MYCBPAP: variants seen among roughly 807,000 people sequenced by gnomAD.
The protein encoded by MYCBPAP is MYCBP associated protein, also known as MYCBP-associated protein.
MYCBPAP carries 60 observed loss-of-function variants against 106.1 expected under a neutral mutation model. That is an observed-to-expected ratio of 0.57 (90% CI 0.46 to 0.70). The LOEUF (loss-of-function observed/expected upper bound fraction) is 0.70. Ranked by LOEUF, MYCBPAP falls within the 30% of genes least tolerant of loss-of-function variation. MYCBPAP has a pLI of 0.00. For missense variants in MYCBPAP, 1,064 were observed against 1,169.3 expected (o/e 0.91, Z 1.31); for synonymous variants, 407 against 440.6 (o/e 0.92, Z 0.95).
rs770652157 is a variant in MYCBPAP, at chr17:50,526,071, C to T, written c.1973C>T (p.Pro658Leu). 1 of 1,613,932 alleles carries T rather than the reference C, an allele frequency of 6.2e-7. No homozygotes were observed. Among genetic ancestry groups the T allele is most frequent in the East Asian group, 2.2e-5 (1 of 44,870 alleles). Reference sequence around the variant, plus strand: ...AGCCCCATCTCCGAAACTCAAGTGCCCCGGCCTGAGAACGAGGCCCTCAGG... The same window carrying T: ...AGCCCCATCTCCGAAACTCAAGTGCTCCGGCCTGAGAACGAGGCCCTCAGG... ...FRSPISETQV[P>L]RPENEALRES... The change falls in exon 14 of 19, where the codon CCC (proline) becomes CTC (leucine). Residue 658 changes from proline to leucine, a missense_variant. Transcript: ENST00000323776.
At chr17:50,510,138 T>C (rs376862446) in intron 1 of MYCBPAP, 3 of 151,948 alleles carry the variant, frequency 2.0e-5, no homozygotes, top group South Asian at 4.2e-4. Flanking sequence ...AGCCTCAGAG[T>C]TGTGAAAGCT....
chr17:50,518,565 C>T lies in MYCBPAP; in HGVS notation c.493C>T (p.Pro165Ser), dbSNP rs1212416904. The T allele has an allele frequency of 1.3e-6, 2 of 1,591,560 alleles. No homozygotes were observed. Among genetic ancestry groups the T allele is most frequent in the African/African-American group, 2.7e-5 (2 of 73,272 alleles). The change falls in exon 5 of 19, where the codon CCC (proline) becomes TCC (serine). Residue 165 changes from proline (P) to serine (S), a missense_variant. Pro to Ser is a moderately conservative substitution (Grantham distance 74, BLOSUM62 -1). Transcript: ENST00000323776. Reference sequence around the variant, plus strand: ...GCTGGCTGAGCGGATACCTACCTCACCCTGTCTGATGACCCTCATCTCTGC... The same window carrying T: ...GCTGGCTGAGCGGATACCTACCTCATCCTGTCTGATGACCCTCATCTCTGC... ...TQLAERIPTS[P>S]CLMTLISAEG...
chr17:50,530,878 G>C (rs1428423786), intron 18 of MYCBPAP, among the ~76,000 whole-genome samples: 2 of 150,504 alleles, frequency 1.3e-5, no homozygotes, highest in Admixed American at 6.6e-5. Context: ...TACCAGCGCA[G>C]GGCCACCTCC....
intron 17 of MYCBPAP, 39 bp downstream of exon 17, chr17:50,528,879 A>G: frequency 4.2e-6 from 6 of 1,432,728 alleles, no homozygotes; most frequent in Admixed American, 1.8e-5. Flanking sequence ...GGGGCTGGGG[A>G]GGGGATTGGA....
rs2034520443 is a variant in MYCBPAP at position 50,528,162 on chromosome 17, C to G, written c.2299C>G (p.Leu767Val). 6.2e-7 allele frequency: 1 copy of G among 1,613,978 alleles called. No individual in the cohort carries two copies. The highest frequency in any genetic ancestry group is 8.5e-7 in the Non-Finnish European group (1 of 1,179,910). ...CTGTGTCTTGCCCTCTAGTTTGCAG[C>G]TGTGGCGAGATGTGATTGACAGCCT... ...SNLLHQMCLQ[L>V]WRDVIDSLVG... The change falls in exon 16 of 19, where the codon CTG becomes GTG. Residue 767 changes from leucine to valine, a missense_variant. Coordinates refer to ENST00000323776, the MANE Select transcript of MYCBPAP (RefSeq NM_032133.6).
rs753985982 is a variant in MYCBPAP at position 50,518,523 on chromosome 17, C to T, written c.469-18C>T. 1.3e-6 allele frequency: 2 copies of T among 1,548,194 alleles called. No homozygotes were observed. The highest frequency in any genetic ancestry group is 2.8e-5 in the African/African-American group (2 of 72,352). On this transcript the variant is annotated intron_variant, in intron 4 of 18. Transcript: ENST00000323776. Reference sequence around the variant, plus strand: ...AGCCTTCTTACTGCCCTCCACATACCTATGTTGTACTTTTCAGCTGGCTGA... The same window carrying T: ...AGCCTTCTTACTGCCCTCCACATACTTATGTTGTACTTTTCAGCTGGCTGA...
intron 7 of MYCBPAP, chr17:50,520,066 C>T (rs559567326): frequency 1.7e-5 from 6 of 344,454 alleles, no homozygotes. Context: ...GCGCCTGGAT[C>T]GTGGCTGCCC....
intron 18 of MYCBPAP, chr17:50,529,895 C>G (rs2034579825): frequency 2.2e-6 from 1 of 446,812 alleles, no homozygotes; most frequent in East Asian, 7.1e-5. Context: ...AGAAATTCAC[C>G]CAGGTTTTCC....
At chr17:50,528,568 C>T (rs548721448) in intron 16 of MYCBPAP, 127 bp from the exon 17 acceptor site, 89 of 1,256,166 alleles carry the variant, frequency 7.1e-5, no homozygotes, top group Non-Finnish European at 8.9e-5. Flanking sequence ...CATGAAGCCA[C>T]GCGCCTACCA....
At chr17:50,519,433 C>G in intron 6 of MYCBPAP, 1 of 640,928 alleles carries the variant, frequency 1.6e-6, no homozygotes, top group Non-Finnish European at 2.7e-6. Context: ...TGTACCAACC[C>G]ACACCATCTG....
intron 9 of MYCBPAP, 115 bp from the exon 10 acceptor site, chr17:50,521,858 A>C: frequency 1.1e-6 from 1 of 873,684 alleles, no homozygotes; most frequent in East Asian, 2.5e-5. Flanking sequence ...ATCATACTCC[A>C]TTGCAGGGTA....
upstream of MYCBPAP, chr17:50,508,199 C>T (rs1420289984): frequency 1.6e-5 from 4 of 254,912 alleles, no homozygotes; most frequent in Non-Finnish European, 3.0e-5. Flanking sequence ...AGGATGTGGC[C>T]TTAGTCGAGG....
intron 1 of MYCBPAP, among the ~76,000 whole-genome samples, chr17:50,512,001 G>T (rs1278154647): frequency 6.6e-6 from 1 of 150,500 alleles, no homozygotes; most frequent in Non-Finnish European, 1.5e-5. Flanking sequence ...TCATGCCCTG[G>T]TTTCCCTCTC....
chr17:50,510,229 A>T (rs927522877), intron 1 of MYCBPAP: 1 of 151,904 alleles, frequency 6.6e-6, no homozygotes, highest in Non-Finnish European at 1.5e-5. Context: ...CTTCACGTAT[A>T]AAAGTCCAAC....
rs759078381 is a variant in MYCBPAP at position 50,517,312 on chromosome 17, C to A, written c.224C>A (p.Thr75Asn). The A allele has an allele frequency of 6.2e-7, 1 of 1,614,134 alleles. No individual in the cohort carries two copies. The highest frequency in any genetic ancestry group is 2.2e-5 in the East Asian group (1 of 44,878). ...DLKEQHIPRL[T>N]EKEDKRVITQ... is the part of the protein sequence containing the mutation. ...TTTTAGCAACACATTCCTCGCCTTA[C>A]TGAAAAGGAAGATAAACGTGTCATC... The change falls in exon 3 of 19, where the codon ACT (threonine) becomes AAT (asparagine). Residue 75 changes from threonine to asparagine, a missense_variant. Physicochemically the swap from Thr to Asn is moderately conservative, Grantham distance 65. Transcript: ENST00000323776.
chr17:50,508,349 T>G (rs2143867020), upstream of MYCBPAP: 4 of 481,256 alleles, frequency 8.3e-6, no homozygotes, highest in Non-Finnish European at 1.4e-5. Flanking sequence ...CTCGCGGGGG[T>G]CCTCGCCCGG....
intron 14 of MYCBPAP, 27 bp downstream of exon 14, chr17:50,526,294 G>T: frequency 6.4e-7 from 1 of 1,557,964 alleles, no homozygotes; most frequent in South Asian, 1.2e-5. Flanking sequence ...GGAAGGCAAT[G>T]GTAGAGAATA....
At chr17:50,530,301 C>T (rs556919980) in intron 18 of MYCBPAP, 425 of 330,222 alleles carry the variant, frequency 1.3e-3, no homozygotes, top group African/African-American at 9.0e-3. Flanking sequence ...CAAGACCAGC[C>T]TGGGCAACAT....
Position 50,508,445 on chromosome 17 carries a change from T to G in MYCBPAP, c.-230T>G. 1 of 1,187,486 alleles carries G rather than the reference T, an allele frequency of 8.4e-7. No individual in the cohort carries two copies. The highest frequency in any genetic ancestry group is 1.2e-6 in the Non-Finnish European group (1 of 857,772). 73.6% of individuals were successfully genotyped at this position (1,187,486 alleles called of 1,614,324 possible). A position where few individuals can be genotyped will look rare whatever the true frequency, so the allele number is the denominator to read the frequency against. On this transcript the variant is annotated 5_prime_UTR_variant, in exon 1 of 19. Coordinates refer to ENST00000323776, the MANE Select transcript of MYCBPAP (RefSeq NM_032133.6). ...CGTCACAGGCCGGGCCCGCAGGGCTTTCTAGGGGTCCGTCGCTCTTGAAGC... is the reference window on the plus strand; with the variant it reads ...CGTCACAGGCCGGGCCCGCAGGGCTGTCTAGGGGTCCGTCGCTCTTGAAGC...
Sources: gnomAD v4.1 joint callset for allele counts (sites outside exome capture counted in the v4.1 genomes callset) on GRCh38, gnomAD v4.1.1 for gene constraint, MANE v1.5 for transcripts, NCBI Gene and HGNC (gene_info 2026-07-23, HGNC 2026-07-21) for gene names.